BIK: variants seen among roughly 807,000 people sequenced by gnomAD.
The protein encoded by BIK is bcl-2-interacting killer.
In BIK, 14 loss-of-function variants were observed where a neutral mutation model predicts 12.1. The ratio of observed to expected loss-of-function variants is 1.16; its 90% confidence interval spans 0.77 to 1.81. BIK has a LOEUF of 1.81. BIK is among the 40% of genes most tolerant of loss of function. The pLI, the probability that BIK is intolerant of heterozygous loss-of-function variation, is 0.00. For missense variants in BIK, 215 were observed against 207.9 expected (o/e 1.03, Z -0.21); for synonymous variants, 86 against 92.3 (o/e 0.93, Z 0.39).
chr22:43,117,227 C>T (rs1184379066), intron 1 of BIK, among the ~76,000 whole-genome samples: 1 of 152,154 alleles, frequency 6.6e-6, no homozygotes, highest in Admixed American at 6.5e-5. Context: ...GGAATCAGAA[C>T]ACGCTGAGCA....
intron 4 of BIK, 73 bp from the exon 5 acceptor site, chr22:43,129,140 A>C: frequency 1.3e-6 from 2 of 1,597,366 alleles, no homozygotes; most frequent in Non-Finnish European, 1.7e-6. Context: ...TCCCCTTGGC[A>C]CTCCGCTGTC....
intron 1 of BIK, 118 bp downstream of exon 1, chr22:43,110,921 T>C (rs1601726136): frequency 6.6e-6 from 1 of 151,620 alleles, no homozygotes; most frequent in African/African-American, 2.4e-5. Context: ...CGTGCCCAGG[T>C]TTTACCGCTC....
At chr22:43,112,572 T>C (rs79645034) in intron 1 of BIK, among the ~76,000 whole-genome samples, 10 of 138,996 alleles carry the variant, frequency 7.2e-5, no homozygotes, top group Admixed American at 2.9e-4. Flanking sequence ...TGCCTGGCCC[T>C]TTTTTTTTTT....
chr22:43,111,762 G>T (rs1050505529), intron 1 of BIK, among the ~76,000 whole-genome samples: 1 of 152,200 alleles, frequency 6.6e-6, no homozygotes, highest in East Asian at 1.9e-4. Context: ...TTCCCAGGGA[G>T]CATTGGTGTC....
At chr22:43,111,637 ATGAGCCACTCG>A (rs1162726714) in intron 1 of BIK, among the ~76,000 whole-genome samples, 1 of 152,190 alleles carries the variant, frequency 6.6e-6, no homozygotes, top group Non-Finnish European at 1.5e-5. Flanking sequence ...TTTTGCTAGA[ATGAGCCACTCG>A]TGGGGTAGGA....
At chr22:43,114,249 C>T (rs927167983) in intron 1 of BIK, among the ~76,000 whole-genome samples, 4 of 152,108 alleles carry the variant, frequency 2.6e-5, no homozygotes, top group East Asian at 1.9e-4. Context: ...GAAAAGCTCA[C>T]TTGTTTATTT....
intron 3 of BIK, among the ~76,000 whole-genome samples, 169 bp from the exon 4 acceptor site, chr22:43,128,327 C>T (rs1298379304): frequency 6.6e-6 from 1 of 152,198 alleles, no homozygotes; most frequent in Non-Finnish European, 1.5e-5. Flanking sequence ...CAGTCCATAC[C>T]ACGCGGCCCC....
intron 1 of BIK, among the ~76,000 whole-genome samples, chr22:43,112,393 T>C (rs1930028428): frequency 6.6e-6 from 1 of 151,756 alleles, no homozygotes; most frequent in African/African-American, 2.4e-5. Context: ...GAGATGGGGT[T>C]TCACCATGTT....
At position 43,127,789 on chromosome 22, in the gene BIK, T is replaced by C. The variant is rs1162779848; in HGVS notation, c.254T>C (p.Met85Thr). The stretch of plus-strand genomic sequence containing the variant: ...CTGGCCCAGCTCTCCGAGGTGGCCA[T>C]GCACAGGTAGCCGGCCTATGCCCTA... ...PRLAQLSEVA[M>T]HSLGLAFIYD... Residue 85 changes from methionine to threonine, a missense_variant, in exon 3 of 5, where the codon ATG becomes ACG. By Grantham distance (81) the Met-to-Thr change is moderately conservative. Transcript: ENST00000216115. 4 of 1,550,434 alleles carry C rather than the reference T, an allele frequency of 2.6e-6. No homozygotes were observed. The highest frequency in any genetic ancestry group is 2.7e-5 in the African/African-American group (2 of 73,204).
chr22:43,120,075 G>A (rs1601730232), intron 1 of BIK, among the ~76,000 whole-genome samples: 1 of 152,360 alleles, frequency 6.6e-6, no homozygotes, highest in Non-Finnish European at 1.5e-5. Context: ...AGACTTTGGA[G>A]GCATGGCAGG....
intron 2 of BIK, among the ~76,000 whole-genome samples, chr22:43,126,326 C>T (rs2147025366): frequency 1.3e-5 from 2 of 152,292 alleles, no homozygotes; most frequent in Admixed American, 1.3e-4. Context: ...GCTGGGACTA[C>T]AGGCGCCTGC....
intron 1 of BIK, among the ~76,000 whole-genome samples, chr22:43,117,671 A>G (rs1569465092): frequency 6.8e-6 from 1 of 147,014 alleles, no homozygotes; most frequent in Non-Finnish European, 1.5e-5. Flanking sequence ...CGCCCGGCCC[A>G]TATTTTTTTT....
At chr22:43,112,557 C>A (rs1172434838) in intron 1 of BIK, among the ~76,000 whole-genome samples, 1 of 151,762 alleles carries the variant, frequency 6.6e-6, no homozygotes. Context: ...AGACGTGAGC[C>A]CCTATGCCTG....
At chr22:43,116,046 G>A (rs1397489019) in intron 1 of BIK, among the ~76,000 whole-genome samples, 3 of 152,166 alleles carry the variant, frequency 2.0e-5, no homozygotes, top group Admixed American at 6.6e-5. Flanking sequence ...GGGAGCCACC[G>A]CGCCCCGGCC....
chr22:43,124,445 G>C (rs1336725554), intron 2 of BIK, among the ~76,000 whole-genome samples: 3 of 152,212 alleles, frequency 2.0e-5, no homozygotes, highest in African/African-American at 7.2e-5. Context: ...TGGGGCCCCT[G>C]GCTGTCAAAA....
At chr22:43,115,207 C>T (rs980042832) in intron 1 of BIK, among the ~76,000 whole-genome samples, 1 of 152,058 alleles carries the variant, frequency 6.6e-6, no homozygotes, top group Non-Finnish European at 1.5e-5. Flanking sequence ...TTAATTCTGT[C>T]CTGGGGAGGG....
chr22:43,119,824 A>C (rs561920181), intron 1 of BIK, among the ~76,000 whole-genome samples: 2 of 152,288 alleles, frequency 1.3e-5, no homozygotes, highest in South Asian at 2.1e-4. Context: ...TTCTATAAAA[A>C]TGAGCCAAGT....
At chr22:43,122,992 C>T (rs1290135415) in intron 1 of BIK, among the ~76,000 whole-genome samples, 1 of 152,154 alleles carries the variant, frequency 6.6e-6, no homozygotes, top group African/African-American at 2.4e-5. Context: ...AGAGGAGGGC[C>T]ATGGTTGGCT....
At chr22:43,118,822 C>T (rs1008350801) in intron 1 of BIK, among the ~76,000 whole-genome samples, 1 of 152,054 alleles carries the variant, frequency 6.6e-6, no homozygotes, top group Non-Finnish European at 1.5e-5. Context: ...ATCCTCAGGT[C>T]CAGCCCCATC....
Sources: gnomAD v4.1 joint callset for allele counts (sites outside exome capture counted in the v4.1 genomes callset) on GRCh38, gnomAD v4.1.1 for gene constraint, MANE v1.5 for transcripts, NCBI Gene and HGNC (gene_info 2026-07-23, HGNC 2026-07-21) for gene names.